The following TACR3 variants were observed in gnomAD, a reference collection of about 807,000 sequenced individuals.
The protein encoded by TACR3 is tachykinin receptor 3, also known as neuromedin-K receptor.
Under a neutral mutation model 35.0 loss-of-function variants are expected in TACR3, and 34 were observed. That is an observed-to-expected ratio of 0.97 (90% CI 0.74 to 1.30). The LOEUF (loss-of-function observed/expected upper bound fraction) is 1.30. Among genes scored for constraint, TACR3 ranks in the 50% most tolerant of loss-of-function variants. The pLI is 0.00. For synonymous variants in TACR3, 233 were observed against 221.1 expected (o/e 1.05, Z -0.48); for missense variants, 558 against 591.7 (o/e 0.94, Z 0.59).
In TACR3 at chr4:103,591,603, T is replaced by A. The variant is rs143298309; in HGVS notation, c.969A>T (p.Ala323=). 39 of 1,613,724 alleles carry A rather than the reference T, an allele frequency of 2.4e-5. No individual in the cohort carries two copies. The highest frequency in any genetic ancestry group is 9.9e-5 in the South Asian group (9 of 91,084). ...LPYHIYFILT[A]IYQQLNRWKY... ...TCCATCTATTTAGTTGTTGATAGAT[T>A]GCAGTGAGAATGAAGTAAATATGAT... is the stretch of plus-strand genomic sequence containing the variant. Residue 323 remains alanine, a synonymous_variant, in exon 4 of 5, where the codon GCA becomes GCT. Transcript: ENST00000304883.
chr4:103,626,999 C>A (rs565897673), intron 3 of TACR3, among the ~76,000 whole-genome samples: 1 of 149,560 alleles, frequency 6.7e-6, no homozygotes, highest in Non-Finnish European at 1.5e-5. Flanking sequence ...ATAGCAAAAC[C>A]CCATCTCTGT....
At chr4:103,612,830 T>TTCTCTC (rs34300555) in intron 3 of TACR3, among the ~76,000 whole-genome samples, 2 of 151,574 alleles carry the variant, frequency 1.3e-5, no homozygotes, top group Non-Finnish European at 2.9e-5. Flanking sequence ...TGTTTTGCAT[T>TTCTCTC]TCTCTCTCTC....
intron 1 of TACR3, among the ~76,000 whole-genome samples, chr4:103,675,203 G>A (rs982763110): frequency 6.6e-6 from 1 of 151,988 alleles, no homozygotes; most frequent in Non-Finnish European, 1.5e-5. Context: ...TCAATGCTTG[G>A]ATCTTGAAAT....
chr4:103,637,416 T>G (rs925070938), intron 3 of TACR3, among the ~76,000 whole-genome samples: 4 of 152,036 alleles, frequency 2.6e-5, no homozygotes, highest in Admixed American at 2.0e-4. Flanking sequence ...TCTCAATAAA[T>G]TAGGTATTGA....
chr4:103,600,529 C>G (rs1254663061), intron 3 of TACR3, among the ~76,000 whole-genome samples: 9 of 152,108 alleles, frequency 5.9e-5, no homozygotes, highest in Admixed American at 5.2e-4. Flanking sequence ...TCTTGCTTTT[C>G]TAGTTCTTTT....
intron 3 of TACR3, among the ~76,000 whole-genome samples, chr4:103,641,383 A>C (rs961012617): frequency 6.6e-6 from 1 of 152,036 alleles, no homozygotes; most frequent in Non-Finnish European, 1.5e-5. Context: ...AATGTTCAAC[A>C]GTACTAATCA....
intron 3 of TACR3, among the ~76,000 whole-genome samples, chr4:103,631,092 C>G (rs546730254): frequency 6.6e-6 from 1 of 152,092 alleles, no homozygotes; most frequent in Non-Finnish European, 1.5e-5. Context: ...AAACCAAACA[C>G]GGCATGTTCT....
intron 1 of TACR3, among the ~76,000 whole-genome samples, chr4:103,688,035 G>T (rs1722295348): frequency 6.6e-6 from 1 of 152,084 alleles, no homozygotes; most frequent in Non-Finnish European, 1.5e-5. Flanking sequence ...GCACGGTACT[G>T]GTACCAAAAC....
Position 103,707,031 on chromosome 4 carries a change from A to G in TACR3, c.548+12097T>C, listed in dbSNP as rs577535523. Among the ~76,000 whole-genome samples the G allele has an allele frequency of 5.9e-5, 9 of 152,342 alleles. No homozygotes were observed. In the South Asian group the frequency reaches 1.9e-3, roughly 32 times the overall value. On this transcript the variant is annotated intron_variant, in intron 1 of 4. Transcript: ENST00000304883. ...GCTCAGATACATGTTTAGTACCTGA[A>G]AATGTCGTTCACTGAGTTCCACTCT...
At chr4:103,718,362 G>A (rs970624235) in intron 1 of TACR3, among the ~76,000 whole-genome samples, 11 of 152,156 alleles carry the variant, frequency 7.2e-5, no homozygotes, top group African/African-American at 2.7e-4. Context: ...TCAATAACAG[G>A]TAGGGATTCA....
At chr4:103,614,891 T>TTTTTTTTTG (rs1724604349) in intron 3 of TACR3, among the ~76,000 whole-genome samples, 3 of 109,666 alleles carry the variant, frequency 2.7e-5, no homozygotes, top group African/African-American at 1.1e-4. Flanking sequence ...TGTGTTTTTT[T>TTTTTTTTTG]TTTTTTTTTT....
chr4:103,682,015 T>C (rs1028928170), intron 1 of TACR3, among the ~76,000 whole-genome samples: 1 of 152,192 alleles, frequency 6.6e-6, no homozygotes, highest in African/African-American at 2.4e-5. Context: ...TTCATGTTTA[T>C]TAGTTTTATT....
chr4:103,629,241 G>GCCCT (rs1724986004), intron 3 of TACR3, among the ~76,000 whole-genome samples: 1 of 152,120 alleles, frequency 6.6e-6, no homozygotes, highest in South Asian at 2.1e-4. Context: ...AGACAAGGAT[G>GCCCT]CCCTCTCTCA....
At position 103,589,892 on chromosome 4, in the gene TACR3, C is replaced by T. The variant is rs886058974; in HGVS notation, c.1188G>A (p.Arg396=). Residue 396 remains arginine, a synonymous_variant, in exon 5 of 5, where the codon CGG becomes CGA. Coordinates refer to ENST00000304883, the MANE Select transcript of TACR3 (RefSeq NM_001059.3). ...ELKTTRFHPN[R]QSSMYTVTRM... is the part of the protein sequence containing the mutation. ...TGGTCACGGTGTACATACTGCTTTGCCGGTTTGGATGAAACCTGGTGGTCT... is the reference window on the plus strand; with the variant it reads ...TGGTCACGGTGTACATACTGCTTTGTCGGTTTGGATGAAACCTGGTGGTCT... 6.2e-7 allele frequency: 1 copy of T among 1,613,972 alleles called. No individual in the cohort carries two copies. The highest frequency in any genetic ancestry group is 8.5e-7 in the Non-Finnish European group (1 of 1,179,902).
chr4:103,708,944 G>A (rs184509277), intron 1 of TACR3, among the ~76,000 whole-genome samples: 2 of 152,254 alleles, frequency 1.3e-5, no homozygotes, highest in Admixed American at 6.5e-5. Context: ...AGCAAGAAGA[G>A]AAGTTTAGAG....
At chr4:103,600,559 C>A (rs1423386566) in intron 3 of TACR3, among the ~76,000 whole-genome samples, 8 of 152,072 alleles carry the variant, frequency 5.3e-5, no homozygotes, top group Non-Finnish European at 1.2e-4. Flanking sequence ...GTTAGGGTGT[C>A]AATTTTAGAT....
At chr4:103,627,891 G>A (rs925433422) in intron 3 of TACR3, among the ~76,000 whole-genome samples, 6 of 152,110 alleles carry the variant, frequency 3.9e-5, no homozygotes, top group Non-Finnish European at 5.9e-5. Context: ...CCACATGATT[G>A]GAAGTAAAGC....
chr4:103,688,139 A>C (rs1447581862), intron 1 of TACR3, among the ~76,000 whole-genome samples: 1 of 152,124 alleles, frequency 6.6e-6, no homozygotes, highest in African/African-American at 2.4e-5. Context: ...GAAAAACAAG[A>C]AATGGGGAAA....
At chr4:103,599,170 A>G (rs1201848926) in intron 3 of TACR3, among the ~76,000 whole-genome samples, 1 of 152,170 alleles carries the variant, frequency 6.6e-6, no homozygotes, top group Non-Finnish European at 1.5e-5. Context: ...GCTCCTTCAT[A>G]TCCCTTGTAA....
Sources: allele counts gnomAD v4.1 joint callset (sites outside exome capture counted in the v4.1 genomes callset), GRCh38; gene constraint gnomAD v4.1.1; transcripts MANE v1.5; gene names NCBI Gene and HGNC (gene_info 2026-07-23, HGNC 2026-07-21).